Variants in DLG2 observed in about 807,000 individuals in gnomAD.
DLG2 encodes discs large MAGUK scaffold protein 2.
DLG2 carries 45 observed loss-of-function variants against 132.5 expected under a neutral mutation model. The observed-to-expected ratio is 0.34, with a 90% CI of 0.27 to 0.44. The LOEUF (loss-of-function observed/expected upper bound fraction) is 0.44, where lower values mean the gene tolerates loss of function less well. Among genes scored for constraint, DLG2 ranks in the 20% least tolerant of loss-of-function variants. DLG2 has a pLI of 1.00. For missense variants in DLG2, 1,045 were observed against 1,196.9 expected (o/e 0.87, Z 1.87); for synonymous variants, 424 against 419.6 (o/e 1.01, Z -0.13).
chr11:84,590,120 T>G (rs1209957449), intron 6 of DLG2, among the ~76,000 whole-genome samples: 1 of 152,196 alleles, frequency 6.6e-6, no homozygotes, highest in East Asian at 1.9e-4. Context: ...GGAAGGGCAA[T>G]AGTAAGCATC....
chr11:85,618,459 GC>G (rs1315166502), intron 2 of DLG2, among the ~76,000 whole-genome samples: 2 of 152,186 alleles, frequency 1.3e-5, no homozygotes, highest in Non-Finnish European at 2.9e-5. Context: ...TGAACAGAAT[GC>G]CTTAATCCAA....
Position 83,477,973 on chromosome 11 carries a change from T to C in DLG2, c.2294-5196A>G, listed in dbSNP as rs540418679. Among the ~76,000 whole-genome samples the C allele has an allele frequency of 4.2e-4, 64 of 152,172 alleles. No homozygotes were observed. In the South Asian group the frequency reaches 4.6e-3, roughly 11 times the overall value. The stretch of plus-strand genomic sequence containing the variant: ...TTCCAAAGCTCAGCTCAAAGCTACT[T>C]CCTCTCTGAAACTACCTCTTATGCT... On this transcript the variant is annotated intron_variant, in intron 22 of 27. Coordinates refer to ENST00000376104, the MANE Select transcript of DLG2 (RefSeq NM_001142699.3).
intron 6 of DLG2, among the ~76,000 whole-genome samples, chr11:84,835,417 G>T (rs1389555727): frequency 6.6e-6 from 1 of 151,596 alleles, no homozygotes; most frequent in Non-Finnish European, 1.5e-5. Flanking sequence ...CTACAAAATG[G>T]AGTTAATAAT....
At chr11:85,470,667 G>T (rs1427749496) in intron 3 of DLG2, among the ~76,000 whole-genome samples, 4 of 152,040 alleles carry the variant, frequency 2.6e-5, no homozygotes, top group Admixed American at 2.0e-4. Flanking sequence ...AACGGAAGTT[G>T]CAGTGAGCCA....
At chr11:85,325,063 CCGGCTTAAGAAA>C (rs2081358165) in intron 3 of DLG2, among the ~76,000 whole-genome samples, 1 of 49,002 alleles carries the variant, frequency 2.0e-5, no homozygotes, top group East Asian at 7.5e-4. Context: ...GCTTTTCAGA[CCGGCTTAAGAAA>C]CGGCGCACCA....
chr11:84,019,131 T>C (rs936317241), intron 11 of DLG2, among the ~76,000 whole-genome samples: 36 of 152,132 alleles, frequency 2.4e-4, no homozygotes, highest in African/African-American at 8.2e-4. Flanking sequence ...ATGTATTTTG[T>C]ATGCTTTTCT....
intron 4 of DLG2, among the ~76,000 whole-genome samples, chr11:85,218,163 C>A (rs2082740726): frequency 6.6e-6 from 1 of 152,140 alleles, no homozygotes; most frequent in East Asian, 1.9e-4. Flanking sequence ...GTACCAGTAC[C>A]AAGGAATTGC....
intron 3 of DLG2, among the ~76,000 whole-genome samples, chr11:85,411,970 G>T (rs746587653): frequency 2.0e-5 from 3 of 151,752 alleles, no homozygotes; most frequent in Non-Finnish European, 4.4e-5. Context: ...ATGCTCCTCT[G>T]CAAATCCATT....
intron 11 of DLG2, among the ~76,000 whole-genome samples, chr11:83,982,480 TAAAAAAA>T (rs58418988): frequency 1.5e-5 from 1 of 68,622 alleles, no homozygotes; most frequent in Non-Finnish European, 3.5e-5. Flanking sequence ...GTTTAACGTG[TAAAAAAA>T]AAAAAAAAAA....
chr11:84,391,207 C>T (rs750558296), intron 7 of DLG2, among the ~76,000 whole-genome samples: 14 of 152,082 alleles, frequency 9.2e-5, no homozygotes, highest in Non-Finnish European at 1.5e-4. Flanking sequence ...ACAGGGAAAG[C>T]TCTAAAAACA....
intron 14 of DLG2, among the ~76,000 whole-genome samples, chr11:83,936,181 T>C (rs2081388390): frequency 6.6e-6 from 1 of 152,248 alleles, no homozygotes; most frequent in South Asian, 2.1e-4. Context: ...ATGTGAATTC[T>C]CTACAAGAGG....
intron 6 of DLG2, among the ~76,000 whole-genome samples, chr11:85,099,753 A>T (rs981746841): frequency 3.3e-5 from 5 of 152,206 alleles, no homozygotes; most frequent in African/African-American, 9.6e-5. Flanking sequence ...GCACTTGATG[A>T]TGTCCGTGTT....
intron 8 of DLG2, among the ~76,000 whole-genome samples, chr11:84,164,251 A>G (rs915857192): frequency 5.9e-5 from 9 of 152,214 alleles, no homozygotes; most frequent in Non-Finnish European, 1.2e-4. Flanking sequence ...AGGCCATATG[A>G]AAAGTTGGTT....
At chr11:84,648,176 A>T (rs1204500165) in intron 6 of DLG2, among the ~76,000 whole-genome samples, 1 of 152,200 alleles carries the variant, frequency 6.6e-6, no homozygotes, top group Non-Finnish European at 1.5e-5. Flanking sequence ...GCACTTGAGA[A>T]TAGAGGTCAT....
At position 83,690,353 on chromosome 11, in the gene DLG2, T is replaced by A. The variant is rs185200375; in HGVS notation, c.1826-57028A>T. ...CAATAGAAAAAACCCAAAAACTCTG[T>A]GGCCTACTAGTGCCACTATCTGTAC... is the stretch of plus-strand genomic sequence containing the variant. On this transcript the variant is annotated intron_variant, in intron 18 of 27. Coordinates refer to ENST00000376104, the MANE Select transcript of DLG2 (RefSeq NM_001142699.3). Among the ~76,000 whole-genome samples the A allele has an allele frequency of 9.9e-5, 15 of 151,678 alleles. No homozygotes were observed. The East Asian group carries it at 2.7e-3, about 27-fold the overall frequency.
chr11:84,393,385 A>T (rs1360824700), intron 7 of DLG2, among the ~76,000 whole-genome samples: 1 of 152,030 alleles, frequency 6.6e-6, no homozygotes, highest in Non-Finnish European at 1.5e-5. Flanking sequence ...ATCACTCTAA[A>T]TCCTTTCTGT....
chr11:84,587,162 G>A (rs2099531788), intron 6 of DLG2, among the ~76,000 whole-genome samples: 1 of 152,198 alleles, frequency 6.6e-6, no homozygotes, highest in African/African-American at 2.4e-5. Flanking sequence ...ATCCCTTTCA[G>A]CTATTGTGAT....
chr11:84,156,682 C>G (rs2095435779), intron 9 of DLG2, among the ~76,000 whole-genome samples: 1 of 152,182 alleles, frequency 6.6e-6, no homozygotes, highest in Non-Finnish European at 1.5e-5. Flanking sequence ...CATTATTTCA[C>G]CTCTGCCAAA....
intron 7 of DLG2, among the ~76,000 whole-genome samples, chr11:84,440,618 T>C (rs1209965485): frequency 6.6e-6 from 1 of 152,142 alleles, no homozygotes; most frequent in East Asian, 1.9e-4. Context: ...GTAAAACAAA[T>C]TTTTCAGACA....
Sources: gnomAD v4.1 joint callset for allele counts (sites outside exome capture counted in the v4.1 genomes callset) on GRCh38, gnomAD v4.1.1 for gene constraint, MANE v1.5 for transcripts, NCBI Gene and HGNC (gene_info 2026-07-23, HGNC 2026-07-21) for gene names.